ZZEF1: variants seen among roughly 807,000 people sequenced by gnomAD.
ZZEF1 encodes zinc finger ZZ-type and EF-hand domain containing 1.
ZZEF1 carries 157 observed loss-of-function variants against 342.8 expected under a neutral mutation model. That is an observed-to-expected ratio of 0.46 (90% CI 0.40 to 0.52). ZZEF1 has a LOEUF of 0.52. Among genes scored for constraint, ZZEF1 ranks in the 20% least tolerant of loss-of-function variants. The pLI is 0.00. For missense variants in ZZEF1, 3,480 were observed against 3,725.6 expected (o/e 0.93, Z 1.72); for synonymous variants, 1,505 against 1,429.1 (o/e 1.05, Z -1.20).
intron 11 of ZZEF1, 39 bp downstream of exon 11, chr17:4,095,792 T>G: frequency 6.4e-7 from 1 of 1,571,600 alleles, no homozygotes; most frequent in South Asian, 1.2e-5. Flanking sequence ...ATTTTTGTTC[T>G]GTAGATCTTT....
Position 4,064,782 on chromosome 17 carries a change from T to C in ZZEF1, c.4297A>G (p.Thr1433Ala), listed in dbSNP as rs200035080. The change falls in exon 29 of 55, where the codon ACG (threonine) becomes GCG (alanine). Residue 1433 changes from threonine to alanine, a missense_variant. By Grantham distance (58) the Thr-to-Ala change is moderately conservative. Around this residue, in one of 5 missense-constraint regions of ZZEF1, gnomAD observed 1,528 missense variants for 1,624.1 expected, o/e 0.94. Transcript: ENST00000381638. ...KSLLLLKFLP[T>A]GISSKESCEK... is the part of the protein sequence containing the mutation. ...CAGCTTTCTTTTGAACTTATGCCCG[T>C]GGGCAGAAATTTTAGTAATAGAAGA... 7 of 1,607,138 alleles carry C rather than the reference T, an allele frequency of 4.4e-6. No individual in the cohort carries two copies. The highest frequency in any genetic ancestry group is 4.1e-5 in the African/African-American group (3 of 73,668).
rs528417058 is a variant in ZZEF1, at chr17:4,014,667, C to A, written c.8146-152G>T. ...CCAGGAGTGCAGAGTCCAGCTAGGG[C>A]GAGGAGCATGCACAGACTGCAAATA... On this transcript the variant is annotated intron_variant, in intron 49 of 54. Coordinates refer to ENST00000381638, the MANE Select transcript of ZZEF1 (RefSeq NM_015113.4). This position sits in a 1 kb window ranked among gnomAD's most constrained non-coding sequence, Gnocchi z 4.4. 1.2e-6 allele frequency: 1 copy of A among 838,766 alleles called. No homozygotes were observed. Among genetic ancestry groups the A allele is most frequent in the Non-Finnish European group, 1.9e-6 (1 of 525,100 alleles). 52.0% of individuals were successfully genotyped at this position (838,766 alleles called of 1,614,324 possible).
intron 24 of ZZEF1, 78 bp downstream of exon 24, chr17:4,074,072 C>T (rs1182663960): frequency 2.3e-5 from 35 of 1,521,254 alleles, no homozygotes; most frequent in Admixed American, 1.1e-4. Flanking sequence ...TACGTGGAAA[C>T]GACCTACAAG....
At chr17:4,020,338 G>A (rs1180215019) in intron 45 of ZZEF1, among the ~76,000 whole-genome samples, 1 of 152,176 alleles carries the variant, frequency 6.6e-6, no homozygotes, top group African/African-American at 2.4e-5. Flanking sequence ...TTGCCAACTG[G>A]ATTCATAGCT....
chr17:4,068,705 CAGTA>C (rs1280686840), intron 26 of ZZEF1, among the ~76,000 whole-genome samples: 2 of 151,986 alleles, frequency 1.3e-5, no homozygotes, highest in Non-Finnish European at 2.9e-5. Context: ...TGTTACAATG[CAGTA>C]AGTAATTCCT....
intron 46 of ZZEF1, among the ~76,000 whole-genome samples, chr17:4,018,317 C>A (rs1036768725): frequency 6.6e-6 from 1 of 151,966 alleles, no homozygotes; most frequent in African/African-American, 2.4e-5. Context: ...AGCTATGTTG[C>A]CCGGGCCGGC....
intron 1 of ZZEF1, among the ~76,000 whole-genome samples, chr17:4,133,825 G>A (rs1027569601): frequency 6.6e-6 from 1 of 151,730 alleles, no homozygotes; most frequent in African/African-American, 2.4e-5. Flanking sequence ...AGGTTCAAGC[G>A]GTCCTCCCAC....
intron 34 of ZZEF1, 63 bp downstream of exon 34, chr17:4,053,994 A>G: frequency 6.6e-7 from 1 of 1,519,242 alleles, no homozygotes; most frequent in Admixed American, 2.1e-5. Context: ...AAAAATGACA[A>G]GATCATAGAA....
At chr17:4,050,108 A>G (rs2057013801) in intron 36 of ZZEF1, among the ~76,000 whole-genome samples, 1 of 152,376 alleles carries the variant, frequency 6.6e-6, no homozygotes, top group East Asian at 1.9e-4. Context: ...AAGATAAAAC[A>G]TATAACAGGA....
chr17:4,135,249 T>A (rs539318969), intron 1 of ZZEF1, among the ~76,000 whole-genome samples: 1 of 152,132 alleles, frequency 6.6e-6, no homozygotes, highest in African/African-American at 2.4e-5. Flanking sequence ...CCCAAGGCAG[T>A]AGGATTGCTT....
chr17:4,132,784 A>G (rs9898499), intron 1 of ZZEF1, among the ~76,000 whole-genome samples: 22,459 of 59,858 alleles, frequency 0.38, 2,410 homozygotes, highest in Middle Eastern at 0.45. Flanking sequence ...GGCTAACACG[A>G]TGAAACCCCG....
chr17:4,117,774 C>A (rs1360382527), intron 2 of ZZEF1, among the ~76,000 whole-genome samples: 1 of 151,376 alleles, frequency 6.6e-6, no homozygotes, highest in Non-Finnish European at 1.5e-5. Context: ...CACTAATAGA[C>A]GTTTTTAAGG....
chr17:4,093,465 G>C (rs541421737), intron 11 of ZZEF1, among the ~76,000 whole-genome samples: 2 of 152,320 alleles, frequency 1.3e-5, no homozygotes, highest in Non-Finnish European at 2.9e-5. Context: ...GTATTGTAGA[G>C]AGGCTGACCG....
chr17:4,060,078 T>C (rs1439901178), intron 30 of ZZEF1, among the ~76,000 whole-genome samples: 1 of 152,244 alleles, frequency 6.6e-6, no homozygotes, highest in Admixed American at 6.5e-5. Flanking sequence ...CTAACTCCCG[T>C]GTCCCTTCCT....
At chr17:4,114,178 A>G (rs145519399) in intron 4 of ZZEF1, 121 bp downstream of exon 4, 6 of 705,446 alleles carry the variant, frequency 8.5e-6, no homozygotes, top group African/African-American at 3.7e-5. Flanking sequence ...ATGATTTTAC[A>G]TGATTCATTT....
intron 19 of ZZEF1, 152 bp downstream of exon 19, chr17:4,077,731 T>C: frequency 1.3e-6 from 1 of 784,942 alleles, no homozygotes; most frequent in Non-Finnish European, 2.0e-6. Flanking sequence ...TGCTGTTGAA[T>C]TCTATTTTAA....
At chr17:4,052,725 C>A (rs756690794) in intron 34 of ZZEF1, among the ~76,000 whole-genome samples, 1 of 152,030 alleles carries the variant, frequency 6.6e-6, no homozygotes, top group Non-Finnish European at 1.5e-5. Context: ...AAATTAGCCA[C>A]GTGTGGTGGC....
At chr17:4,032,766 T>C in intron 41 of ZZEF1, 62 bp downstream of exon 41, 1 of 1,552,610 alleles carries the variant, frequency 6.4e-7, no homozygotes, top group Admixed American at 1.7e-5. Context: ...CACAGAGGCT[T>C]TGGTGTGTAT....
rs2145364533 is a variant in ZZEF1 at position 4,087,377 on chromosome 17, T to C, written c.2342+57A>G. 8 of 1,426,288 alleles carry C rather than the reference T, an allele frequency of 5.6e-6. No individual in the cohort carries two copies. In the East Asian group the frequency reaches 1.9e-4, roughly 33 times the overall value. 88.4% of individuals were successfully genotyped at this position (1,426,288 alleles called of 1,614,324 possible). On this transcript the variant is annotated intron_variant, in intron 14 of 54. Transcript: ENST00000381638. ...TAGGAAAAAAATCCACTTAGAATAG[T>C]AAAACTCATTGTTTTCAGTTTATGT...
Sources: gnomAD v4.1 joint callset for allele counts (sites outside exome capture counted in the v4.1 genomes callset) on GRCh38, gnomAD v4.1.1 for gene constraint, gnomAD v4.1.1 regional missense constraint, Gnocchi (gnomAD v3.1) non-coding constraint, MANE v1.5 for transcripts, NCBI Gene and HGNC (gene_info 2026-07-23, HGNC 2026-07-21) for gene names.